PRKDC: variants seen among roughly 807,000 people sequenced by gnomAD.
The protein encoded by PRKDC is protein kinase, DNA-activated, catalytic subunit.
Under a neutral mutation model 486.9 loss-of-function variants are expected in PRKDC, and 82 were observed. The ratio of observed to expected loss-of-function variants is 0.17; its 90% CI spans 0.14 to 0.20. The LOEUF is 0.20. PRKDC is among the 10% of genes least tolerant of loss of function. The pLI is 1.00. For missense variants in PRKDC, 4,504 were observed against 5,038.2 expected (o/e 0.89, Z 3.21); for synonymous variants, 1,895 against 1,837.0 (o/e 1.03, Z -0.81).
In PRKDC at chr8:47,817,481, T is replaced by C. The variant is rs762257182; in HGVS notation, c.9526A>G (p.Met3176Val). The change falls in exon 68 of 86, where the codon ATG becomes GTG. Residue 3176 changes from methionine (M) to valine (V), a missense_variant. Around this residue, in one of 6 missense-constraint regions of PRKDC, gnomAD observed 1,592 missense variants for 1,724.6 expected, o/e 0.92. Coordinates refer to ENST00000314191, the MANE Select transcript of PRKDC (RefSeq NM_006904.7). Reference protein sequence around the residue: ...NRYPDAKMDPMNIWDDIITNR... With the variant: ...NRYPDAKMDPVNIWDDIITNR... Reference sequence around the variant, plus strand: ...GTGATGATGTCATCCCAGATGTTCATTGGGTCCATTTTAGCATCTGGATAT... The same window carrying C: ...GTGATGATGTCATCCCAGATGTTCACTGGGTCCATTTTAGCATCTGGATAT... The C allele has an allele frequency of 1.9e-6, 3 of 1,606,578 alleles. No individual in the cohort carries two copies. Among genetic ancestry groups the C allele is most frequent in the African/African-American group, 2.7e-5 (2 of 74,874 alleles).
At chr8:47,790,032 T>C (rs1209790343) in intron 74 of PRKDC, among the ~76,000 whole-genome samples, 3 of 152,180 alleles carry the variant, frequency 2.0e-5, no homozygotes, top group African/African-American at 7.2e-5. Flanking sequence ...CCCACTGTTA[T>C]TCCACATACT....
At chr8:47,822,939 G>C (rs193224859) in intron 64 of PRKDC, among the ~76,000 whole-genome samples, 1 of 152,308 alleles carries the variant, frequency 6.6e-6, no homozygotes, top group African/African-American at 2.4e-5. Flanking sequence ...TACCTCTGAT[G>C]TAATTTGAAT....
intron 83 of PRKDC, 76 bp from the exon 84 acceptor site, chr8:47,777,950 C>T: frequency 7.6e-7 from 1 of 1,314,398 alleles, no homozygotes; most frequent in South Asian, 1.3e-5. Context: ...TGGCAGCATC[C>T]TCACATAGTT....
At chr8:47,886,501 C>T (rs892979936) in intron 35 of PRKDC, among the ~76,000 whole-genome samples, 4 of 151,774 alleles carry the variant, frequency 2.6e-5, no homozygotes, top group African/African-American at 9.7e-5. Flanking sequence ...AGCAATTCTC[C>T]GGCCTCAGCA....
chr8:47,787,027 G>A (rs2086803666), intron 76 of PRKDC, among the ~76,000 whole-genome samples: 1 of 151,940 alleles, frequency 6.6e-6, no homozygotes, highest in Non-Finnish European at 1.5e-5. Context: ...ATGCCCAGCA[G>A]ATATGTTTAT....
rs746473441 is a variant in PRKDC, at chr8:47,821,061, G to A, written c.9112-118C>T. 2.1e-5 allele frequency: 12 copies of A among 583,162 alleles called. 1 individual carries two copies. Among genetic ancestry groups the A allele is most frequent in the Non-Finnish European group, 3.2e-5 (12 of 372,906 alleles). 36.1% of individuals were successfully genotyped at this position (583,162 alleles called of 1,614,324 possible). A position where few individuals can be genotyped will look rare whatever the true frequency, so the allele number is the denominator to read the frequency against. On this transcript the variant is annotated intron_variant, in intron 65 of 85. Transcript: ENST00000314191. ...ACAGGTCAAGATTTAAAGTCAAAGC[G>A]ATGATGTTTGATGTCTGAAACAGTA... is the stretch of plus-strand genomic sequence containing the variant.
intron 67 of PRKDC, among the ~76,000 whole-genome samples, chr8:47,818,469 C>T (rs533167457): frequency 6.7e-6 from 1 of 149,504 alleles, no homozygotes; most frequent in East Asian, 2.0e-4. Flanking sequence ...GTCCCAGCTA[C>T]TTGGGAGGCT....
chr8:47,836,215 G>T, intron 58 of PRKDC, 123 bp downstream of exon 58: 1 of 1,014,724 alleles, frequency 9.9e-7, no homozygotes, highest in Non-Finnish European at 1.3e-6. Flanking sequence ...TCTTCCTTGG[G>T]TTCTTAACGC....
chr8:47,927,421 A>C, intron 20 of PRKDC, 68 bp from the exon 21 acceptor site: 1 of 1,487,416 alleles, frequency 6.7e-7, no homozygotes, highest in East Asian at 2.3e-5. Context: ...AAAAAACACC[A>C]AGTAATTGTG....
At chr8:47,812,168 C>G (rs943026797) in intron 68 of PRKDC, among the ~76,000 whole-genome samples, 1 of 152,116 alleles carries the variant, frequency 6.6e-6, no homozygotes, top group Non-Finnish European at 1.5e-5. Context: ...AAGGCAGAAA[C>G]AGACAATTCT....
At chr8:47,912,842 T>A (rs922056163) in intron 24 of PRKDC, among the ~76,000 whole-genome samples, 1 of 152,236 alleles carries the variant, frequency 6.6e-6, no homozygotes, top group African/African-American at 2.4e-5. Context: ...ACTATATAAC[T>A]TTGCTTCATC....
In PRKDC at chr8:47,930,734, A is replaced by G. The variant is rs2090236552; in HGVS notation, c.1830T>C (p.Ala610=). The G allele has an allele frequency of 1.9e-6, 3 of 1,592,408 alleles. No individual in the cohort carries two copies. The highest frequency in any genetic ancestry group is 2.7e-5 in the African/African-American group (2 of 74,426). ...CTTTAGGTTTAGCTGGATGCAAGTTAGCCGCTGGATCTGAAGTTGGGATCA... is the reference window on the plus strand; with the variant it reads ...CTTTAGGTTTAGCTGGATGCAAGTTGGCCGCTGGATCTGAAGTTGGGATCA... The part of the protein sequence containing the change: ...VWMIPTSDPA[A]NLHPAKPKDF... The change falls in exon 17 of 86, where the codon GCT becomes GCC. Residue 610 remains alanine (A), a synonymous_variant. Transcript: ENST00000314191.
At chr8:47,929,522 C>G (rs927296458) in intron 18 of PRKDC, among the ~76,000 whole-genome samples, 2 of 152,222 alleles carry the variant, frequency 1.3e-5, no homozygotes, top group Admixed American at 6.5e-5. Flanking sequence ...CCAGAATCAC[C>G]TGGTGGTGCT....
Position 47,889,010 on chromosome 8 carries a change from C to T in PRKDC, c.4280+4G>A, listed in dbSNP as rs754716753. On this transcript the variant is annotated splice_donor_region_variant and intron_variant, in intron 33 of 85. Coordinates refer to ENST00000314191, the MANE Select transcript of PRKDC (RefSeq NM_006904.7). ...ATGTCCCCGATTGTGACCCAAGTAC[C>T]CACCTCTGTGCTGTTATTTTCTCTC... 1.2e-6 allele frequency: 2 copies of T among 1,612,506 alleles called. No homozygotes were observed.
chr8:47,834,698 T>C (rs978523110), intron 58 of PRKDC, among the ~76,000 whole-genome samples: 10 of 149,216 alleles, frequency 6.7e-5, no homozygotes, highest in Admixed American at 1.3e-4. Context: ...TTTTTTTTTT[T>C]TTTTTTTTTT....
intron 51 of PRKDC, 43 bp downstream of exon 51, chr8:47,854,040 T>C: frequency 6.2e-7 from 1 of 1,606,492 alleles, no homozygotes; most frequent in Non-Finnish European, 8.5e-7. Flanking sequence ...GTCAATCCAG[T>C]TTGGGTAGAC....
intron 69 of PRKDC, among the ~76,000 whole-genome samples, chr8:47,804,707 C>G (rs896337943): frequency 2.6e-5 from 4 of 152,128 alleles, no homozygotes; most frequent in African/African-American, 9.7e-5. Context: ...GCTTTTGTTT[C>G]TCATGGGTCT....
Position 47,918,372 on chromosome 8 carries a change from T to C in PRKDC, c.2431A>G (p.Asn811Asp). Reference protein sequence around the residue: ...KTSALSDETKNNWEVSALSRA... With the variant: ...KTSALSDETKDNWEVSALSRA... ...GAAAGAGCTGACACTTCCCAGTTAT[T>C]CTTGGTCTCATCTATCAATAGTAAA... The change falls in exon 22 of 86, where the codon AAT becomes GAT. Residue 811 changes from asparagine (N) to aspartate (D), a missense_variant. This residue lies in a region of PRKDC where 1,969 missense variants were observed against 2,068.9 expected (regional missense o/e 0.95). Transcript: ENST00000314191. The C allele has an allele frequency of 6.3e-7, 1 of 1,578,720 alleles. No homozygotes were observed. The highest frequency in any genetic ancestry group is 8.6e-7 in the Non-Finnish European group (1 of 1,160,956).
intron 12 of PRKDC, 24 bp downstream of exon 12, chr8:47,936,329 T>C (rs199799487): frequency 3.8e-4 from 598 of 1,575,300 alleles, no homozygotes; most frequent in Non-Finnish European, 4.3e-4. Context: ...ATACTTAAAA[T>C]TGTGCTCAGT....
Sources: allele counts gnomAD v4.1 joint callset (sites outside exome capture counted in the v4.1 genomes callset), GRCh38; gene constraint gnomAD v4.1.1; regional missense constraint gnomAD v4.1.1; transcripts MANE v1.5; gene names NCBI Gene and HGNC (gene_info 2026-07-23, HGNC 2026-07-21).